NFIX: variants seen among roughly 807,000 people sequenced by gnomAD.
NFIX encodes the protein nuclear factor 1 X-type.
A neutral mutation model predicts 53.3 loss-of-function variants in NFIX; 2 were observed. That is an observed-to-expected ratio of 0.04 (90% CI 0.02 to 0.12). The LOEUF is 0.12. Among genes scored for constraint, NFIX ranks in the 10% least tolerant of loss-of-function variants. NFIX has a pLI of 1.00. For missense variants in NFIX, 310 were observed against 674.5 expected (o/e 0.46, Z 5.99); for synonymous variants, 244 against 289.0 (o/e 0.84, Z 1.58).
At chr19:13,063,784 C>T (rs1305392216) in intron 2 of NFIX, among the ~76,000 whole-genome samples, 1 of 152,204 alleles carries the variant, frequency 6.6e-6, no homozygotes, top group Non-Finnish European at 1.5e-5. Context: ...CCTGCAGAGC[C>T]TCCGCCTCCT....
intron 2 of NFIX, among the ~76,000 whole-genome samples, chr19:13,065,351 A>G (rs978025759): frequency 6.6e-6 from 1 of 152,158 alleles, no homozygotes; most frequent in East Asian, 1.9e-4. Context: ...GTCATCTTCA[A>G]TCTCTTCTGC....
intron 2 of NFIX, among the ~76,000 whole-genome samples, chr19:13,032,064 C>T (rs1422535057): frequency 5.9e-5 from 9 of 152,204 alleles, no homozygotes. Flanking sequence ...AGGCCCCAGC[C>T]GTGTCAGCGC....
At chr19:13,087,724 A>G (rs2017862561) in intron 8 of NFIX, among the ~76,000 whole-genome samples, 1 of 141,678 alleles carries the variant, frequency 7.1e-6, no homozygotes, top group African/African-American at 2.7e-5. Flanking sequence ...GAAGTAACAA[A>G]CCACCCGTCG....
chr19:13,077,229 C>T (rs978255463), intron 6 of NFIX, among the ~76,000 whole-genome samples: 3 of 152,170 alleles, frequency 2.0e-5, no homozygotes, highest in Admixed American at 1.3e-4. Flanking sequence ...CCCCCTCTTC[C>T]TGGCTCCTGC....
Position 13,025,134 on chromosome 19 carries a change from G to T in NFIX, c.141G>T (p.Arg47=), listed in dbSNP as rs375719449. ...KRKYFKKHEK[R]MSKDEERAVK... is the part of the protein sequence containing the mutation. ...AGTACTTCAAGAAGCATGAAAAGCGGATGTCGAAGGACGAGGAGCGGGCGG... is the reference window on the plus strand; with the variant it reads ...AGTACTTCAAGAAGCATGAAAAGCGTATGTCGAAGGACGAGGAGCGGGCGG... Residue 47 remains arginine, a synonymous_variant, in exon 2 of 11, where the codon CGG becomes CGT. Coordinates refer to ENST00000592199, the MANE Select transcript of NFIX (RefSeq NM_001365902.3). This position sits in a 1 kb window ranked among gnomAD's most constrained non-coding sequence, Gnocchi z 7.5. 3.1e-6 allele frequency: 5 copies of T among 1,614,232 alleles called. No homozygotes were observed. In the Admixed American group the frequency reaches 8.3e-5, roughly 27 times the overall value.
At chr19:13,034,963 G>C (rs1481054309) in intron 2 of NFIX, among the ~76,000 whole-genome samples, 2 of 152,154 alleles carry the variant, frequency 1.3e-5, no homozygotes, top group Non-Finnish European at 2.9e-5. Flanking sequence ...TGTGTCTTGG[G>C]GGACTGTCTT....
At position 13,095,039 on chromosome 19, in the gene NFIX, A is replaced by G; in HGVS notation, c.*390A>G. 4.7e-6 allele frequency: 1 copy of G among 210,834 alleles called. No individual in the cohort carries two copies. The highest frequency in any genetic ancestry group is 1.2e-4 in the East Asian group (1 of 8,048). The allele number at this position is 210,834 out of a possible 1,614,324, so 13.1% of individuals were successfully genotyped here. On this transcript the variant is annotated 3_prime_UTR_variant, in exon 11 of 11. Transcript: ENST00000592199. ...AACAAAGCAACCAGCACAATTCTGA[A>G]GGGGCCTGGCCTCCACCCTCACCCC... is the stretch of plus-strand genomic sequence containing the variant.
In NFIX at chr19:13,094,691, C is replaced by T. The variant is rs1002842084; in HGVS notation, c.*42C>T. 2.2e-5 allele frequency: 33 copies of T among 1,529,716 alleles called. No homozygotes were observed. Among genetic ancestry groups the T allele is most frequent in the Non-Finnish European group, 2.8e-5 (32 of 1,141,278 alleles). The allele number at this position is 1,529,716 out of a possible 1,614,324, so 94.8% of individuals were successfully genotyped here. ...AACAACAAAATGAGAAGAAGAGGTT[C>T]CTCGAAAGGGGGGAGAAGAAATTTT... is the stretch of plus-strand genomic sequence containing the variant. On this transcript the variant is annotated 3_prime_UTR_variant, in exon 11 of 11. Coordinates refer to ENST00000592199, the MANE Select transcript of NFIX (RefSeq NM_001365902.3). This position sits in a 1 kb window ranked among gnomAD's most constrained non-coding sequence, Gnocchi z 4.3.
At position 13,081,299 on chromosome 19, in the gene NFIX, G is replaced by A. The variant is rs778787231; in HGVS notation, c.1079-381G>A. Among the ~76,000 whole-genome samples the A allele has an allele frequency of 5.9e-5, 9 of 152,114 alleles. No individual in the cohort carries two copies. The highest frequency in any genetic ancestry group is 2.2e-4 in the African/African-American group (9 of 41,400). On this transcript the variant is annotated intron_variant, in intron 7 of 10. Coordinates refer to ENST00000592199, the MANE Select transcript of NFIX (RefSeq NM_001365902.3). The surrounding 1 kb of genome is among the most constrained non-coding windows in gnomAD (Gnocchi z 4.7). ...AGTCTGGATGACAGAGCGAGACCCT[G>A]TCTCAAATAATAATAATAACACTTT...
chr19:13,094,945 A>AT lies in NFIX; in HGVS notation c.*296_*297insT, dbSNP rs1267243151. 5.0e-6 allele frequency: 2 copies of AT among 401,828 alleles called. No individual in the cohort carries two copies. The highest frequency in any genetic ancestry group is 9.1e-6 in the Non-Finnish European group (2 of 220,200). The allele number at this position is 401,828 out of a possible 1,614,324, so 24.9% of individuals were successfully genotyped here. A position where few individuals can be genotyped will look rare whatever the true frequency, so the allele number is the denominator to read the frequency against. On this transcript the variant is annotated 3_prime_UTR_variant, in exon 11 of 11. Coordinates refer to ENST00000592199, the MANE Select transcript of NFIX (RefSeq NM_001365902.3). This position sits in a 1 kb window ranked among gnomAD's most constrained non-coding sequence, Gnocchi z 4.3. ...TGTCAAGTAGAGGACAGAAAGCAAGAAAGGATGCAGAACTGCCTTCCTCCC... is the reference window on the plus strand; with the variant it reads ...TGTCAAGTAGAGGACAGAAAGCAAGATAAGGATGCAGAACTGCCTTCCTCCC...
intron 6 of NFIX, among the ~76,000 whole-genome samples, chr19:13,076,326 C>G (rs1213769160): frequency 1.3e-5 from 2 of 152,146 alleles, no homozygotes; most frequent in Non-Finnish European, 2.9e-5. Context: ...ACAGAGGAAG[C>G]CAGCTCAGAC....
In NFIX at chr19:13,013,761, C is replaced by G. The variant is rs965477040; in HGVS notation, c.28-11260C>G. 6.6e-5 allele frequency: 10 copies of G among 152,056 alleles called. No individual in the cohort carries two copies. Among genetic ancestry groups the G allele is most frequent in the Non-Finnish European group, 1.2e-4 (8 of 68,036 alleles). 9.4% of individuals were successfully genotyped at this position (152,056 alleles called of 1,614,324 possible). A position where few individuals can be genotyped will look rare whatever the true frequency, so the allele number is the denominator to read the frequency against. On this transcript the variant is annotated intron_variant, in intron 1 of 10. Coordinates refer to ENST00000592199, the MANE Select transcript of NFIX (RefSeq NM_001365902.3). The surrounding 1 kb of genome is among the most constrained non-coding windows in gnomAD (Gnocchi z 5.9). ...CTGTTAAAAAAAGAAAAATACGTGC[C>G]GGTGACGCTTCGTGGAGCTGGCGAG... is the stretch of plus-strand genomic sequence containing the variant.
intron 2 of NFIX, among the ~76,000 whole-genome samples, chr19:13,050,522 C>G (rs2015262712): frequency 2.0e-5 from 3 of 152,144 alleles, no homozygotes; most frequent in Admixed American, 2.0e-4. Context: ...CTGTGTGGTT[C>G]CTGGCGTCTA....
chr19:13,003,083 C>T (rs537444643), intron 1 of NFIX, among the ~76,000 whole-genome samples: 15 of 151,956 alleles, frequency 9.9e-5, no homozygotes, highest in Middle Eastern at 6.8e-3. Context: ...CGGCTTCGGT[C>T]GAATCATCTT....
In NFIX at chr19:12,998,187, TTCTCCATC is replaced by T; in HGVS notation, c.27+2327_27+2334del. On this transcript the variant is annotated intron_variant, in intron 1 of 10. Coordinates refer to ENST00000592199, the MANE Select transcript of NFIX (RefSeq NM_001365902.3). This position sits in a 1 kb window ranked among gnomAD's most constrained non-coding sequence, Gnocchi z 4.4. ...GTATTCTGCCCTTTTCCATCTCTCTTTCTCCATCTCTGTCCTTTTGTATGTCTCTGACT... is the reference window on the plus strand; with the variant it reads ...GTATTCTGCCCTTTTCCATCTCTCTTTCTGTCCTTTTGTATGTCTCTGACT... 6.6e-6 allele frequency among the ~76,000 whole-genome samples: 1 copy of T among 152,170 alleles called. No homozygotes were observed. Among genetic ancestry groups the T allele is most frequent in the Non-Finnish European group, 1.5e-5 (1 of 68,040 alleles).
Position 13,001,599 on chromosome 19 carries a change from G to C in NFIX, c.27+5735G>C, listed in dbSNP as rs866777812. On this transcript the variant is annotated intron_variant, in intron 1 of 10. Coordinates refer to ENST00000592199, the MANE Select transcript of NFIX (RefSeq NM_001365902.3). The surrounding 1 kb of genome is among the most constrained non-coding windows in gnomAD (Gnocchi z 6.5). ...GGGTGTCTGTGCGTCACGGCAAAGA[G>C]TGTATCCGTGTGTCTCACACACGTG... Among the ~76,000 whole-genome samples the C allele has an allele frequency of 6.6e-6, 1 of 152,210 alleles. No homozygotes were observed. Among genetic ancestry groups the C allele is most frequent in the African/African-American group, 2.4e-5 (1 of 41,442 alleles).
rs1161887272 is a variant in NFIX, at chr19:13,095,609, C to T, written c.*960C>T. 2.6e-5 allele frequency: 4 copies of T among 152,360 alleles called. No individual in the cohort carries two copies. Among genetic ancestry groups the T allele is most frequent in the African/African-American group, 7.2e-5 (3 of 41,412 alleles). 9.4% of individuals were successfully genotyped at this position (152,360 alleles called of 1,614,324 possible). ...CCGCCCCATCAGTTCCTGCCCCTGCCCCTCATGCAGACTGCCCTGCTGGGG... is the reference window on the plus strand; with the variant it reads ...CCGCCCCATCAGTTCCTGCCCCTGCTCCTCATGCAGACTGCCCTGCTGGGG... On this transcript the variant is annotated 3_prime_UTR_variant, in exon 11 of 11. Transcript: ENST00000592199.
At chr19:13,019,868 G>A (rs942912069) in intron 1 of NFIX, among the ~76,000 whole-genome samples, 3 of 151,338 alleles carry the variant, frequency 2.0e-5, no homozygotes, top group African/African-American at 4.9e-5. Context: ...GCTTCTCGAT[G>A]ATTTTTCTCT....
intron 6 of NFIX, among the ~76,000 whole-genome samples, chr19:13,077,788 G>A (rs2017199172): frequency 6.6e-6 from 1 of 152,194 alleles, no homozygotes; most frequent in Non-Finnish European, 1.5e-5. Flanking sequence ...GGCCCCCTGG[G>A]GGCCCTGCTT....
Sources: allele counts gnomAD v4.1 joint callset (sites outside exome capture counted in the v4.1 genomes callset), GRCh38; gene constraint gnomAD v4.1.1; non-coding constraint Gnocchi (gnomAD v3.1); transcripts MANE v1.5; gene names NCBI Gene and HGNC (gene_info 2026-07-23, HGNC 2026-07-21).